The following SORCS2 variants were observed in gnomAD, a reference collection of about 807,000 sequenced individuals.
SORCS2 encodes VPS10 domain-containing receptor SorCS2.
A neutral mutation model predicts 141.6 loss-of-function variants in SORCS2; 100 were observed. That is an observed-to-expected ratio of 0.71 (90% confidence interval 0.60 to 0.83). The LOEUF is 0.83. Among genes scored for constraint, SORCS2 ranks in the 40% least tolerant of loss-of-function variants. The pLI, the probability that SORCS2 is intolerant of heterozygous loss-of-function variation, is 0.00. For synonymous variants in SORCS2, 789 were observed against 676.9 expected (o/e 1.17, Z -2.57); for missense variants, 1,646 against 1,560.2 (o/e 1.05, Z -0.93).
At chr4:7,407,308 G>A (rs1325809636) in intron 2 of SORCS2, among the ~76,000 whole-genome samples, 1 of 152,046 alleles carries the variant, frequency 6.6e-6, no homozygotes, top group East Asian at 1.9e-4. Context: ...CTGTATTTCA[G>A]TCTATCTCTT....
At chr4:7,638,228 G>T in intron 3 of SORCS2, 100 bp from the exon 4 acceptor site, 1 of 1,369,212 alleles carries the variant, frequency 7.3e-7, no homozygotes. Context: ...TTTCTGGTGT[G>T]AGGGAGAGAG....
At chr4:7,726,325 C>T (rs144103963) in intron 20 of SORCS2, among the ~76,000 whole-genome samples, 5 of 152,330 alleles carry the variant, frequency 3.3e-5, no homozygotes, top group African/African-American at 9.6e-5. Flanking sequence ...ACCTCAAGTT[C>T]GTGCTGTGTT....
At chr4:7,440,556 G>A (rs1210571315) in intron 2 of SORCS2, among the ~76,000 whole-genome samples, 1 of 152,246 alleles carries the variant, frequency 6.6e-6, no homozygotes, top group African/African-American at 2.4e-5. Context: ...GAGGGGCAGG[G>A]TAACAGAGTT....
At chr4:7,644,001 T>C (rs74838435) in intron 4 of SORCS2, among the ~76,000 whole-genome samples, 4,369 of 152,214 alleles carry the variant, frequency 0.029, 232 homozygotes, top group African/African-American at 0.099. Context: ...CTCTAAGAAT[T>C]TTCATCTGCT....
At chr4:7,405,826 C>A (rs1488856799) in intron 2 of SORCS2, among the ~76,000 whole-genome samples, 1 of 152,024 alleles carries the variant, frequency 6.6e-6, no homozygotes, top group Non-Finnish European at 1.5e-5. Flanking sequence ...GGATGCCTTT[C>A]ATTTCTTTCT....
intron 5 of SORCS2, 36 bp downstream of exon 5, chr4:7,654,243 C>T (rs546856117): frequency 1.2e-5 from 18 of 1,548,560 alleles, no homozygotes; most frequent in East Asian, 4.8e-5. Flanking sequence ...CCATGGGGCC[C>T]GCAGCTCTGG....
At chr4:7,410,128 T>G (rs1725209154) in intron 2 of SORCS2, among the ~76,000 whole-genome samples, 1 of 152,092 alleles carries the variant, frequency 6.6e-6, no homozygotes, top group Non-Finnish European at 1.5e-5. Context: ...TTCTGCAGAG[T>G]GTCTTACCAG....
chr4:7,619,696 C>T (rs928948557), intron 3 of SORCS2, among the ~76,000 whole-genome samples: 3 of 152,186 alleles, frequency 2.0e-5, no homozygotes, highest in Admixed American at 1.3e-4. Context: ...CAACAACCTT[C>T]AGTGGGTTTC....
At chr4:7,413,503 C>T (rs1408426464) in intron 2 of SORCS2, among the ~76,000 whole-genome samples, 2 of 148,802 alleles carry the variant, frequency 1.3e-5, no homozygotes, top group Non-Finnish European at 3.0e-5. Context: ...AAGTGATTCC[C>T]CTGCCTCAGC....
rs545609208 is a variant in SORCS2 at position 7,193,297 on chromosome 4, C to G, written c.480+171C>G. Among the ~76,000 whole-genome samples the G allele has an allele frequency of 2.6e-5, 4 of 152,340 alleles. No individual in the cohort carries two copies. In the South Asian group the frequency reaches 8.3e-4, roughly 32 times the overall value. On this transcript the variant is annotated intron_variant, in intron 1 of 26. Coordinates refer to ENST00000507866, the MANE Select transcript of SORCS2 (RefSeq NM_020777.3). The surrounding 1 kb of genome is among the most constrained non-coding windows in gnomAD (Gnocchi z 4.8). The stretch of plus-strand genomic sequence containing the variant: ...CCGCGCCCCTACTGGCCTCTGGTCA[C>G]TGGTTACTTGGGGAGAGGTCCTCAG...
At chr4:7,634,454 C>T (rs1720106598) in intron 3 of SORCS2, among the ~76,000 whole-genome samples, 1 of 151,884 alleles carries the variant, frequency 6.6e-6, no homozygotes, top group African/African-American at 2.4e-5. Context: ...AAAGGGCTCC[C>T]TGGGGCCAGA....
intron 2 of SORCS2, among the ~76,000 whole-genome samples, chr4:7,445,020 G>A (rs749938019): frequency 6.6e-6 from 1 of 152,222 alleles, no homozygotes; most frequent in Non-Finnish European, 1.5e-5. Context: ...GGGGAGCAGA[G>A]GGAGGGCGGG....
intron 26 of SORCS2, among the ~76,000 whole-genome samples, chr4:7,738,049 C>T (rs1410592956): frequency 6.6e-6 from 1 of 152,258 alleles, no homozygotes; most frequent in Non-Finnish European, 1.5e-5. Context: ...CAGGGCCTGG[C>T]CTTGAAGTCA....
chr4:7,434,502 C>T (rs772342346), intron 2 of SORCS2: 32 of 1,612,140 alleles, frequency 2.0e-5, no homozygotes, highest in South Asian at 1.1e-4. Context: ...GGGCACTGTC[C>T]GGGGCCCCAC....
At chr4:7,624,703 G>C (rs1216611367) in intron 3 of SORCS2, among the ~76,000 whole-genome samples, 1 of 152,240 alleles carries the variant, frequency 6.6e-6, no homozygotes, top group African/African-American at 2.4e-5. Context: ...CATAGTTAAT[G>C]CAACCATCCT....
At chr4:7,552,379 TG>T (rs1713778318) in intron 3 of SORCS2, among the ~76,000 whole-genome samples, 1 of 152,182 alleles carries the variant, frequency 6.6e-6, no homozygotes, top group Non-Finnish European at 1.5e-5. Context: ...GAGGGTGGCT[TG>T]GCCCTAAAAT....
At chr4:7,577,318 C>A (rs560132599) in intron 3 of SORCS2, among the ~76,000 whole-genome samples, 1 of 152,164 alleles carries the variant, frequency 6.6e-6, no homozygotes, top group Non-Finnish European at 1.5e-5. Context: ...ACAGGTAAAG[C>A]CAGGTGGGCA....
chr4:7,426,482 G>A (rs572090997), intron 2 of SORCS2, among the ~76,000 whole-genome samples: 34 of 152,182 alleles, frequency 2.2e-4, no homozygotes, highest in Non-Finnish European at 4.4e-4. Flanking sequence ...CCAATACTTC[G>A]GGAGGCTGAA....
At chr4:7,628,260 T>A (rs2005711) in intron 3 of SORCS2, among the ~76,000 whole-genome samples, 1 of 152,134 alleles carries the variant, frequency 6.6e-6, no homozygotes, top group East Asian at 1.9e-4. Flanking sequence ...CGGTGGCTCA[T>A]GCCTGTAATC....
Sources: allele counts gnomAD v4.1 joint callset (sites outside exome capture counted in the v4.1 genomes callset), GRCh38; gene constraint gnomAD v4.1.1; non-coding constraint Gnocchi (gnomAD v3.1); transcripts MANE v1.5; gene names NCBI Gene and HGNC (gene_info 2026-07-23, HGNC 2026-07-21).